The following DENND1A variants were observed in gnomAD, a reference collection of about 807,000 sequenced individuals.
DENND1A encodes the protein DENN domain-containing protein 1A.
In DENND1A, 51 loss-of-function variants were observed where a neutral mutation model predicts 113.7. That is an observed-to-expected ratio of 0.45 (90% CI 0.36 to 0.57). The LOEUF is 0.57. Ranked by LOEUF, DENND1A falls within the 20% of genes least tolerant of loss-of-function variation. DENND1A has a pLI of 0.00. For missense variants in DENND1A, 1,258 were observed against 1,395.9 expected, an observed-to-expected ratio of 0.90 and a Z score of 1.57; for synonymous variants, 565 against 570.8, an observed-to-expected ratio of 0.99 and a Z score of 0.14.
chr9:123,422,620 C>T lies in DENND1A; in HGVS notation c.1489-10791G>A, dbSNP rs1420120077. ...GTCAAAGTCTACCCATCCACCGCCT[C>T]AGCAGAGTTTAAAATCCTAGCTAAT... is the stretch of plus-strand genomic sequence containing the variant. On this transcript the variant is annotated intron_variant, in intron 19 of 23. Transcript: ENST00000394215. The surrounding 1 kb of genome is among the most constrained non-coding windows in gnomAD (Gnocchi z 4.8). Among the ~76,000 whole-genome samples, 1 of 152,144 alleles carries T rather than the reference C, an allele frequency of 6.6e-6. No homozygotes were observed. The highest frequency in any genetic ancestry group is 6.5e-5 in the Admixed American group (1 of 15,278).
intron 5 of DENND1A, among the ~76,000 whole-genome samples, chr9:123,697,884 T>C (rs1265010428): frequency 6.6e-6 from 1 of 152,166 alleles, no homozygotes; most frequent in Non-Finnish European, 1.5e-5. Context: ...TGAAAAGACA[T>C]TCTAAATATA....
intron 3 of DENND1A, among the ~76,000 whole-genome samples, chr9:123,774,038 T>C (rs1005464238): frequency 1.1e-4 from 16 of 152,178 alleles, no homozygotes; most frequent in Non-Finnish European, 1.5e-5. Flanking sequence ...AGGGAAACCA[T>C]GGGAGAACAT....
chr9:123,485,091 A>G (rs1423263496), intron 13 of DENND1A, among the ~76,000 whole-genome samples: 1 of 152,224 alleles, frequency 6.6e-6, no homozygotes, highest in Admixed American at 6.5e-5. Flanking sequence ...TCAGGGCAGG[A>G]GCTGCACTTC....
chr9:123,487,853 T>C (rs192170931), intron 13 of DENND1A, among the ~76,000 whole-genome samples: 27 of 152,304 alleles, frequency 1.8e-4, no homozygotes, highest in African/African-American at 5.8e-4. Flanking sequence ...CTATCCCTAT[T>C]TTACAGGTGA....
chr9:123,826,622 C>T (rs1375692412), intron 2 of DENND1A, among the ~76,000 whole-genome samples: 1 of 152,090 alleles, frequency 6.6e-6, no homozygotes, highest in African/African-American at 2.4e-5. Context: ...AGTATTAGCT[C>T]TCCCCTTTTC....
rs187732651 is a variant in DENND1A, at chr9:123,409,862, C to T, written c.1542+1914G>A. ...ATCCCAGCACTTTGGGAGGCTGAGG[C>T]GGGCGGATCACAAGGTCAGGAGATC... On this transcript the variant is annotated intron_variant, in intron 20 of 23. Transcript: ENST00000394215. Among the ~76,000 whole-genome samples the T allele has an allele frequency of 7.9e-5, 12 of 152,206 alleles. No individual in the cohort carries two copies. In the East Asian group the frequency reaches 1.4e-3, roughly 17 times the overall value.
At chr9:123,519,565 A>G (rs1286061597) in intron 13 of DENND1A, among the ~76,000 whole-genome samples, 1 of 152,256 alleles carries the variant, frequency 6.6e-6, no homozygotes, top group South Asian at 2.1e-4. Context: ...AGCCTCCTGA[A>G]TAACTAGGAT....
chr9:123,763,511 G>C (rs2071217666), intron 4 of DENND1A, among the ~76,000 whole-genome samples: 1 of 152,168 alleles, frequency 6.6e-6, no homozygotes, highest in South Asian at 2.1e-4. Flanking sequence ...GTCAAGTACA[G>C]AGTTGAATAC....
intron 5 of DENND1A, among the ~76,000 whole-genome samples, chr9:123,703,973 T>C (rs1332274394): frequency 6.6e-6 from 1 of 152,048 alleles, no homozygotes; most frequent in African/African-American, 2.4e-5. Flanking sequence ...ATATATTTTA[T>C]ATTTATATAT....
intron 12 of DENND1A, among the ~76,000 whole-genome samples, chr9:123,572,032 T>A (rs756800287): frequency 2.0e-4 from 30 of 152,242 alleles, no homozygotes; most frequent in Non-Finnish European, 3.5e-4. Flanking sequence ...ACCTTAAGAT[T>A]CACCATCTTT....
intron 2 of DENND1A, among the ~76,000 whole-genome samples, chr9:123,815,226 G>A (rs1837250706): frequency 2.6e-5 from 4 of 152,318 alleles, no homozygotes; most frequent in South Asian, 4.1e-4. Context: ...AGTGTCAGAT[G>A]CTAATGCAAC....
At chr9:123,766,301 TC>T (rs1479830485) in intron 4 of DENND1A, among the ~76,000 whole-genome samples, 2 of 152,278 alleles carry the variant, frequency 1.3e-5, no homozygotes, top group East Asian at 3.9e-4. Flanking sequence ...TTTGGGTCGA[TC>T]CTGTTTAATA....
At chr9:123,900,645 G>A (rs597189) in intron 1 of DENND1A, among the ~76,000 whole-genome samples, 1 of 152,050 alleles carries the variant, frequency 6.6e-6, no homozygotes, top group African/African-American at 2.4e-5. Context: ...AATACACTTA[G>A]AATCACATCG....
chr9:123,586,302 T>C (rs1172866391), intron 11 of DENND1A, among the ~76,000 whole-genome samples: 5 of 152,134 alleles, frequency 3.3e-5, no homozygotes, highest in Admixed American at 2.0e-4. Flanking sequence ...CTTGTTTCTG[T>C]GCTCCCATTG....
chr9:123,711,904 C>T (rs909746020), intron 5 of DENND1A, among the ~76,000 whole-genome samples: 4 of 152,148 alleles, frequency 2.6e-5, no homozygotes, highest in Admixed American at 1.3e-4. Flanking sequence ...TGAGACTCTC[C>T]TTTCTTCACC....
At chr9:123,521,340 C>T (rs942864715) in intron 13 of DENND1A, among the ~76,000 whole-genome samples, 4 of 152,296 alleles carry the variant, frequency 2.6e-5, no homozygotes, top group African/African-American at 9.6e-5. Context: ...GAGGCAGCCT[C>T]GTGGTTAAGG....
At chr9:123,426,403 TCTGA>T (rs1445999317) in intron 19 of DENND1A, among the ~76,000 whole-genome samples, 4 of 152,084 alleles carry the variant, frequency 2.6e-5, no homozygotes, top group Non-Finnish European at 1.5e-5. Flanking sequence ...GTTTGGGAAG[TCTGA>T]CTAAGACATT....
chr9:123,677,002 T>C (rs910928168), intron 5 of DENND1A, among the ~76,000 whole-genome samples: 3 of 152,234 alleles, frequency 2.0e-5, no homozygotes, highest in Non-Finnish European at 4.4e-5. Flanking sequence ...ATGTCCATTA[T>C]AAATTATTCC....
intron 9 of DENND1A, among the ~76,000 whole-genome samples, chr9:123,639,039 T>TA (rs750972974): frequency 0.021 from 679 of 32,104 alleles, 70 homozygotes; most frequent in East Asian, 0.078. Context: ...GCATGAGTAG[T>TA]AAAAAAAAAA....
Sources: allele counts gnomAD v4.1 joint callset (sites outside exome capture counted in the v4.1 genomes callset), GRCh38; gene constraint gnomAD v4.1.1; non-coding constraint Gnocchi (gnomAD v3.1); transcripts MANE v1.5; gene names NCBI Gene and HGNC (gene_info 2026-07-23, HGNC 2026-07-21).